PARP11: variants seen among roughly 807,000 people sequenced by gnomAD.
The protein encoded by PARP11 is protein mono-ADP-ribosyltransferase PARP11.
PARP11 carries 31 observed loss-of-function variants against 42.9 expected under a neutral mutation model. That is an observed-to-expected ratio of 0.72 (90% confidence interval 0.54 to 0.98). The LOEUF is 0.98. Ranked by LOEUF, PARP11 falls within the 50% of genes least tolerant of loss-of-function variation. PARP11 has a pLI of 0.00. For synonymous variants in PARP11, 137 were observed against 127.3 expected, an observed-to-expected ratio of 1.08 and a Z score of -0.51; for missense variants, 365 against 413.1, an observed-to-expected ratio of 0.88 and a Z score of 1.01.
chr12:3,814,432 T>C (rs1048689213), intron 6 of PARP11, among the ~76,000 whole-genome samples: 1 of 152,332 alleles, frequency 6.6e-6, no homozygotes, highest in Non-Finnish European at 1.5e-5. Context: ...CCAAAAACTA[T>C]AGTTATCCCA....
intron 1 of PARP11, among the ~76,000 whole-genome samples, chr12:3,857,023 C>T (rs1040947819): frequency 6.6e-6 from 1 of 150,454 alleles, no homozygotes; most frequent in African/African-American, 2.4e-5. Flanking sequence ...CAAACTATTG[C>T]AAGGACAGAA....
chr12:3,855,850 G>A (rs1039147095), intron 1 of PARP11, among the ~76,000 whole-genome samples: 1 of 152,130 alleles, frequency 6.6e-6, no homozygotes, highest in Non-Finnish European at 1.5e-5. Flanking sequence ...CAAAGCTAGA[G>A]GCATCATGCT....
intron 1 of PARP11, among the ~76,000 whole-genome samples, chr12:3,847,544 C>CA (rs1948026845): frequency 6.6e-6 from 1 of 152,160 alleles, no homozygotes. Flanking sequence ...CATGACAGAT[C>CA]ACAACAACAG....
chr12:3,855,693 A>G (rs1948177247), intron 1 of PARP11, among the ~76,000 whole-genome samples: 1 of 152,240 alleles, frequency 6.6e-6, no homozygotes, highest in African/African-American at 2.4e-5. Context: ...GAAAATGGCC[A>G]TACTGCCCAA....
At chr12:3,814,921 T>C (rs898917399) in intron 6 of PARP11, 2 of 351,862 alleles carry the variant, frequency 5.7e-6, no homozygotes, top group African/African-American at 4.3e-5. Context: ...GAACTCAAAA[T>C]AATACTGTGT....
chr12:3,849,123 C>T (rs1948050147), intron 1 of PARP11, among the ~76,000 whole-genome samples: 1 of 151,968 alleles, frequency 6.6e-6, no homozygotes, highest in African/African-American at 2.4e-5. Flanking sequence ...ATCATCTCAC[C>T]TCAGTTAAAA....
chr12:3,834,829 T>C (rs1057472309), intron 1 of PARP11, among the ~76,000 whole-genome samples: 12 of 151,918 alleles, frequency 7.9e-5, no homozygotes, highest in African/African-American at 2.9e-4. Context: ...CTAGGCTGTG[T>C]ACACCCAGGA....
intron 1 of PARP11, among the ~76,000 whole-genome samples, chr12:3,849,973 A>G (rs906707125): frequency 2.0e-5 from 3 of 148,584 alleles, no homozygotes; most frequent in African/African-American, 4.9e-5. Flanking sequence ...TTAAATATGT[A>G]TTTAATTTTA....
At chr12:3,839,328 C>T (rs1947839585) in intron 1 of PARP11, 4 of 1,529,906 alleles carry the variant, frequency 2.6e-6, no homozygotes, top group Non-Finnish European at 2.6e-6. Context: ...GCGTCCCCGA[C>T]GGCGAGGACC....
At chr12:3,823,668 C>A (rs925083425) in intron 4 of PARP11, among the ~76,000 whole-genome samples, 34 of 152,224 alleles carry the variant, frequency 2.2e-4, no homozygotes, top group African/African-American at 7.5e-4. Flanking sequence ...ATAATCCCAA[C>A]ACTTTGGGAG....
chr12:3,873,350 C>A lies in PARP11; in HGVS notation c.-121G>T. On this transcript the variant is annotated 5_prime_UTR_variant, in exon 1 of 8. Transcript: ENST00000228820. ...CGAAGGGACGGAGATGCAACCTTTA[C>A]GAAGGCCTTCCTCCTCCCCCTCCCT... 1.1e-6 allele frequency: 1 copy of A among 893,600 alleles called. No individual in the cohort carries two copies. The highest frequency in any genetic ancestry group is 1.8e-6 in the Non-Finnish European group (1 of 555,830). The allele number at this position is 893,600 out of a possible 1,614,324, so 55.4% of individuals were successfully genotyped here.
intron 1 of PARP11, chr12:3,872,480 G>A (rs541572019): frequency 1.0e-6 from 1 of 982,194 alleles, no homozygotes; most frequent in East Asian, 1.1e-4. Flanking sequence ...AAGCAAAGTA[G>A]ACAAAGACAC....
chr12:3,842,012 A>T, intron 1 of PARP11: 1 of 1,611,524 alleles, frequency 6.2e-7, no homozygotes, highest in Non-Finnish European at 8.5e-7. Flanking sequence ...CGAAAGGCAG[A>T]TATGGCATTG....
intron 6 of PARP11, among the ~76,000 whole-genome samples, chr12:3,821,107 G>A (rs73045055): frequency 0.052 from 7,963 of 152,146 alleles, 239 homozygotes; most frequent in South Asian, 0.096. Context: ...TCAGGATGAC[G>A]GATACATGAG....
chr12:3,818,094 T>C (rs577693616), intron 6 of PARP11, among the ~76,000 whole-genome samples: 2 of 152,358 alleles, frequency 1.3e-5, no homozygotes, highest in South Asian at 4.1e-4. Context: ...GTACATTACA[T>C]AACATGGTTT....
chr12:3,864,504 A>G (rs528121612), intron 1 of PARP11, among the ~76,000 whole-genome samples: 1 of 152,306 alleles, frequency 6.6e-6, no homozygotes, highest in South Asian at 2.1e-4. Context: ...TTCCTTAAAT[A>G]TTTGGTAGAA....
intron 1 of PARP11, among the ~76,000 whole-genome samples, chr12:3,867,681 C>T (rs1948415188): frequency 6.6e-6 from 1 of 152,160 alleles, no homozygotes; most frequent in Admixed American, 6.5e-5. Context: ...TTCTTCACTT[C>T]TTAGAGTGAG....
At chr12:3,813,498 T>C (rs1947224154) in intron 7 of PARP11, among the ~76,000 whole-genome samples, 2 of 152,232 alleles carry the variant, frequency 1.3e-5, no homozygotes, top group African/African-American at 4.8e-5. Flanking sequence ...GGAAATGAAT[T>C]GCAAAGTCTC....
chr12:3,814,231 T>C (rs1390336746), intron 6 of PARP11, 43 bp from the exon 7 acceptor site: 1 of 1,450,516 alleles, frequency 6.9e-7, no homozygotes, highest in African/African-American at 1.4e-5. Context: ...CACAGAAATA[T>C]ACCATAAGTA....
Sources: allele counts gnomAD v4.1 joint callset (sites outside exome capture counted in the v4.1 genomes callset), GRCh38; gene constraint gnomAD v4.1.1; transcripts MANE v1.5; gene names NCBI Gene and HGNC (gene_info 2026-07-23, HGNC 2026-07-21).